L3MBTL4: variants seen among roughly 807,000 people sequenced by gnomAD.
L3MBTL4 encodes lethal(3)malignant brain tumor-like protein 4.
Under a neutral mutation model 84.5 loss-of-function variants are expected in L3MBTL4, and 70 were observed. That is an observed-to-expected ratio of 0.83 (90% CI 0.68 to 1.01). The LOEUF is 1.01. Ranked by LOEUF, L3MBTL4 falls within the 50% of genes least tolerant of loss-of-function variation. The pLI, the probability that L3MBTL4 is intolerant of heterozygous loss-of-function variation, is 0.00. For synonymous variants in L3MBTL4, 274 were observed against 259.8 expected (o/e 1.05, Z -0.52); for missense variants, 715 against 754.8 (o/e 0.95, Z 0.62).
At chr18:6,112,567 A>C (rs533918353) in intron 14 of L3MBTL4, among the ~76,000 whole-genome samples, 10 of 152,268 alleles carry the variant, frequency 6.6e-5, no homozygotes, top group African/African-American at 1.9e-4. Flanking sequence ...GCAAATAACT[A>C]ATCTCTGGAT....
chr18:6,365,659 A>T (rs2053904065), intron 1 of L3MBTL4, among the ~76,000 whole-genome samples: 1 of 152,192 alleles, frequency 6.6e-6, no homozygotes. Context: ...AAGTCAAAGA[A>T]AGAACAAAAT....
chr18:6,160,536 A>ATGGTGAACTG (rs2043286785), intron 13 of L3MBTL4, among the ~76,000 whole-genome samples: 1 of 152,168 alleles, frequency 6.6e-6, no homozygotes, highest in Admixed American at 6.5e-5. Context: ...GTTCAAGACC[A>ATGGTGAACTG]GCCTGGCCAA....
At chr18:6,327,559 A>G (rs1470059162) in intron 1 of L3MBTL4, among the ~76,000 whole-genome samples, 2 of 152,192 alleles carry the variant, frequency 1.3e-5, no homozygotes, top group Non-Finnish European at 2.9e-5. Context: ...AGATACACAC[A>G]CACATCAGGT....
chr18:5,958,078 A>C (rs1284851310), intron 18 of L3MBTL4, among the ~76,000 whole-genome samples: 1 of 50,898 alleles, frequency 2.0e-5, no homozygotes. Context: ...AAGAAGAAGA[A>C]GAAGAAGAAG....
intron 4 of L3MBTL4, among the ~76,000 whole-genome samples, chr18:6,290,135 T>C (rs2049787869): frequency 6.6e-6 from 1 of 152,146 alleles, no homozygotes; most frequent in Admixed American, 6.5e-5. Flanking sequence ...TTGCCCAGGC[T>C]GATCTCCTGG....
intron 14 of L3MBTL4, among the ~76,000 whole-genome samples, chr18:6,130,092 A>G (rs2059826559): frequency 6.6e-6 from 1 of 152,172 alleles, no homozygotes; most frequent in African/African-American, 2.4e-5. Flanking sequence ...TCATCATAAA[A>G]TTGAATCTTT....
intron 4 of L3MBTL4, among the ~76,000 whole-genome samples, chr18:6,295,253 C>G (rs1447592134): frequency 6.9e-6 from 1 of 145,016 alleles, no homozygotes; most frequent in Non-Finnish European, 1.5e-5. Flanking sequence ...GCCTGGGCAA[C>G]AAGAGTGAAA....
At chr18:6,268,474 C>T (rs116229276) in intron 4 of L3MBTL4, among the ~76,000 whole-genome samples, 1,902 of 152,238 alleles carry the variant, frequency 0.012, 35 homozygotes, top group African/African-American at 0.042. Context: ...GGGCCTTAAA[C>T]ATGAATTCAA....
intron 1 of L3MBTL4, among the ~76,000 whole-genome samples, chr18:6,373,265 G>A (rs976490246): frequency 6.6e-6 from 1 of 152,166 alleles, no homozygotes; most frequent in African/African-American, 2.4e-5. Flanking sequence ...GCACAGTAAA[G>A]AAACAACCTG....
chr18:6,384,519 A>C (rs561440650), intron 1 of L3MBTL4, among the ~76,000 whole-genome samples: 4 of 152,344 alleles, frequency 2.6e-5, no homozygotes, highest in African/African-American at 9.6e-5. Context: ...TGAAAAACAA[A>C]TAAACTTATA....
intron 16 of L3MBTL4, among the ~76,000 whole-genome samples, chr18:6,074,813 T>C (rs2057803253): frequency 6.6e-6 from 1 of 152,136 alleles, no homozygotes; most frequent in Non-Finnish European, 1.5e-5. Context: ...TTTTTACATT[T>C]TCCCAACTTA....
chr18:6,274,464 A>G (rs756638456), intron 4 of L3MBTL4, among the ~76,000 whole-genome samples: 1 of 152,154 alleles, frequency 6.6e-6, no homozygotes, highest in South Asian at 2.1e-4. Flanking sequence ...CCAAACATGC[A>G]TTTTTGCACT....
At chr18:6,021,851 A>G (rs58216208) in intron 16 of L3MBTL4, among the ~76,000 whole-genome samples, 1 of 151,804 alleles carries the variant, frequency 6.6e-6, no homozygotes, top group Admixed American at 6.6e-5. Context: ...CTTTCTCTTC[A>G]GGCATTACAC....
Position 6,263,939 on chromosome 18 carries a change from T to C in L3MBTL4, c.219+8A>G, listed in dbSNP as rs778416235. ...CCTTGCAAAAATATAAGTCCTTCAG[T>C]GGCTGACCTTGGAAAACAGCTCAAC... On this transcript the variant is annotated splice_region_variant and intron_variant, in intron 5 of 18. Coordinates refer to ENST00000317931, the MANE Select transcript of L3MBTL4 (RefSeq NM_001330559.2). 2.5e-6 allele frequency: 4 copies of C among 1,604,824 alleles called. No individual in the cohort carries two copies. In the East Asian group the frequency reaches 8.9e-5, roughly 36 times the overall value.
At chr18:5,988,485 A>G (rs548497737) in intron 16 of L3MBTL4, among the ~76,000 whole-genome samples, 2 of 152,326 alleles carry the variant, frequency 1.3e-5, no homozygotes, top group African/African-American at 2.4e-5. Context: ...CACTAAAAAA[A>G]TCTACTTTCT....
intron 18 of L3MBTL4, 35 bp downstream of exon 18, chr18:5,960,039 CACACACATATATATATATAT>C: frequency 3.3e-6 from 1 of 302,090 alleles, no homozygotes; most frequent in Non-Finnish European, 5.5e-6. Flanking sequence ...TATATATATA[CACACACATATATATATATAT>C]ACATATATAT....
rs76244331 is a variant in L3MBTL4 at position 6,185,381 on chromosome 18, A to C, written c.982-13439T>G. On this transcript the variant is annotated intron_variant, in intron 12 of 18. Transcript: ENST00000317931. ...ACAGCCCTTTATGGATGGTATCAGT[A>C]GCCTTTGGTTTTGGCCAATGAGAAG... 1.5e-3 allele frequency among the ~76,000 whole-genome samples: 235 copies of C among 152,278 alleles called. 3 individuals carry two copies. The East Asian group carries it at 0.04, about 26-fold the overall frequency.
intron 14 of L3MBTL4, among the ~76,000 whole-genome samples, chr18:6,129,172 C>G (rs1025791687): frequency 6.6e-6 from 1 of 152,146 alleles, no homozygotes; most frequent in Non-Finnish European, 1.5e-5. Context: ...TAAAGTCAGA[C>G]CAACCGAACA....
chr18:6,037,255 G>C (rs2056185989), intron 16 of L3MBTL4, among the ~76,000 whole-genome samples: 1 of 152,192 alleles, frequency 6.6e-6, no homozygotes, highest in Non-Finnish European at 1.5e-5. Context: ...AGTGTGAAAT[G>C]GGTAACTACT....
Sources: allele counts gnomAD v4.1 joint callset (sites outside exome capture counted in the v4.1 genomes callset), GRCh38; gene constraint gnomAD v4.1.1; transcripts MANE v1.5; gene names NCBI Gene and HGNC (gene_info 2026-07-23, HGNC 2026-07-21).